Variants in DTX4 observed in about 807,000 individuals in gnomAD.
DTX4 encodes the protein E3 ubiquitin-protein ligase DTX4.
DTX4 carries 28 observed loss-of-function variants against 57.6 expected under a neutral mutation model. The ratio of observed to expected loss-of-function variants is 0.49; its 90% CI spans 0.36 to 0.67. The LOEUF is 0.67. Among genes scored for constraint, DTX4 ranks in the 30% least tolerant of loss-of-function variants. DTX4 has a pLI of 0.00. For synonymous variants in DTX4, 316 were observed against 331.0 expected (o/e 0.95, Z 0.49); for missense variants, 715 against 836.8 (o/e 0.85, Z 1.80).
At chr11:59,195,024 A>G (rs1262536896) in intron 6 of DTX4, 184 bp from the exon 7 acceptor site, 5 of 649,102 alleles carry the variant, frequency 7.7e-6, no homozygotes, top group Non-Finnish European at 2.7e-6. Flanking sequence ...TTTACCTCCT[A>G]TTACTTTGGA....
intron 6 of DTX4, among the ~76,000 whole-genome samples, chr11:59,193,759 C>G (rs887832972): frequency 2.6e-5 from 4 of 152,178 alleles, no homozygotes; most frequent in Non-Finnish European, 4.4e-5. Context: ...GGTCATGAAG[C>G]AAGTCAAGGC....
intron 2 of DTX4, among the ~76,000 whole-genome samples, chr11:59,184,941 CATT>C (rs773996478): frequency 9.2e-5 from 14 of 152,184 alleles, no homozygotes; most frequent in Non-Finnish European, 1.8e-4. Flanking sequence ...CTTTGTCTGG[CATT>C]GCCATCGACC....
chr11:59,190,223 C>T (rs1017017274), intron 4 of DTX4, among the ~76,000 whole-genome samples: 3 of 152,172 alleles, frequency 2.0e-5, no homozygotes, highest in Non-Finnish European at 4.4e-5. Context: ...GCTCAATTGC[C>T]TTGCTCATAG....
Position 59,191,173 on chromosome 11 carries a change from G to A in DTX4, c.1219G>A (p.Glu407Lys). Residue 407 changes from glutamate (E) to lysine (K), a missense_variant and splice_region_variant, in exon 5 of 9, where the codon GAG (glutamate) becomes AAG (lysine). Transcript: ENST00000227451. ...YLQKVRHPPDEDCTICMERLT... is the reference protein window; with the variant it reads ...YLQKVRHPPDKDCTICMERLT... ...ACAGAAAGTCCGGCACCCACCAGAT[G>A]AGGTGAGTTCAGGGTTAGAAGAGCG... The A allele has an allele frequency of 6.4e-7, 1 of 1,570,054 alleles. No homozygotes were observed. Among genetic ancestry groups the A allele is most frequent in the Non-Finnish European group, 8.6e-7 (1 of 1,157,480 alleles).
At chr11:59,185,915 C>T (rs912303081) in intron 2 of DTX4, among the ~76,000 whole-genome samples, 4 of 152,164 alleles carry the variant, frequency 2.6e-5, no homozygotes, top group African/African-American at 9.7e-5. Flanking sequence ...GCCCTGTTCA[C>T]GGCTGTGGTA....
chr11:59,204,625 T>C lies in DTX4; in HGVS notation c.1627-51T>C, dbSNP rs927788585. 5.9e-6 allele frequency: 9 copies of C among 1,527,350 alleles called. No individual in the cohort carries two copies. The Admixed American group carries it at 1.5e-4, about 26-fold the overall frequency. The allele number at this position is 1,527,350 out of a possible 1,614,324, so 94.6% of individuals were successfully genotyped here. A position where few individuals can be genotyped will look rare whatever the true frequency, so the allele number is the denominator to read the frequency against. ...ATTCTCTACCGTCCAAGGGATAGTC[T>C]TTGACTGCCAATTAATGTCTGCCTT... On this transcript the variant is annotated intron_variant, in intron 8 of 8. Transcript: ENST00000227451.
intron 1 of DTX4, among the ~76,000 whole-genome samples, chr11:59,175,382 C>T (rs1049033181): frequency 3.3e-5 from 5 of 152,166 alleles, no homozygotes; most frequent in African/African-American, 1.2e-4. Flanking sequence ...TGATAGAGTC[C>T]TCAGGCTCTC....
intron 1 of DTX4, among the ~76,000 whole-genome samples, chr11:59,173,946 G>A (rs1402038053): frequency 6.6e-6 from 1 of 152,160 alleles, no homozygotes; most frequent in Non-Finnish European, 1.5e-5. Flanking sequence ...TGCAACCGAG[G>A]AGCCTGGAGA....
At chr11:59,192,615 C>G (rs1051056236) in intron 6 of DTX4, among the ~76,000 whole-genome samples, 1 of 152,156 alleles carries the variant, frequency 6.6e-6, no homozygotes, top group African/African-American at 2.4e-5. Flanking sequence ...CTTATCACAG[C>G]GCTAGACCCA....
chr11:59,200,741 T>C (rs985718706), intron 8 of DTX4, among the ~76,000 whole-genome samples: 8 of 152,200 alleles, frequency 5.3e-5, no homozygotes, highest in Non-Finnish European at 1.5e-5. Context: ...TGTTTGTATT[T>C]CTATGGATGA....
intron 1 of DTX4, among the ~76,000 whole-genome samples, chr11:59,175,100 C>T (rs1325145731): frequency 6.6e-6 from 1 of 152,212 alleles, no homozygotes; most frequent in East Asian, 1.9e-4. Flanking sequence ...CATAGTTCCT[C>T]TCAATCTCAT....
intron 7 of DTX4, among the ~76,000 whole-genome samples, chr11:59,197,086 C>T (rs1348389140): frequency 6.6e-6 from 1 of 152,114 alleles, no homozygotes; most frequent in Non-Finnish European, 1.5e-5. Flanking sequence ...GCCAGGAGCC[C>T]AATTGGCAGA....
chr11:59,184,405 A>G (rs549093623), intron 2 of DTX4, among the ~76,000 whole-genome samples: 2,335 of 152,348 alleles, frequency 0.015, 56 homozygotes, highest in African/African-American at 0.048. Context: ...AGTTGTCTTA[A>G]GTTCAAATGA....
In DTX4 at chr11:59,181,748, G is replaced by A. The variant is rs761374600; in HGVS notation, c.221G>A (p.Arg74His). 7.5e-6 allele frequency: 12 copies of A among 1,600,988 alleles called. No individual in the cohort carries two copies. Among genetic ancestry groups the A allele is most frequent in the East Asian group, 4.5e-5 (2 of 44,744 alleles). ...NQFRQDTGTLRPVRRNYYDPS... is the reference protein window; with the variant it reads ...NQFRQDTGTLHPVRRNYYDPS... ...TATCCCACCCTGGCAGGAACTCTCC[G>A]CCCAGTTCGCCGCAACTACTACGAC... Residue 74 changes from arginine (R) to histidine (H), a missense_variant, in exon 2 of 9, where the codon CGC becomes CAC. Physicochemically the swap from Arg to His is conservative, Grantham distance 29 (BLOSUM62 0). Coordinates refer to ENST00000227451, the MANE Select transcript of DTX4 (RefSeq NM_015177.2).
At chr11:59,191,288 G>A in intron 5 of DTX4, 113 bp downstream of exon 5, 1 of 1,084,746 alleles carries the variant, frequency 9.2e-7, no homozygotes. Context: ...AGTTCTCATG[G>A]ATACAGAACT....
chr11:59,195,419 G>A (rs773006437), intron 7 of DTX4, 50 bp downstream of exon 7: 23 of 1,537,570 alleles, frequency 1.5e-5, no homozygotes, highest in Admixed American at 4.2e-5. Context: ...GGTTTTTATT[G>A]TTCTATGTGT....
Position 59,206,646 on chromosome 11 carries a change from C to A in DTX4, c.*1737C>A, listed in dbSNP as rs1171915717. ...GAGGCCAATCTTTCATAAAGCCAGC[C>A]CCATAGCTGCTTGCTGTTAGGCCTC... On this transcript the variant is annotated 3_prime_UTR_variant, in exon 9 of 9. Coordinates refer to ENST00000227451, the MANE Select transcript of DTX4 (RefSeq NM_015177.2). The A allele has an allele frequency of 6.6e-6, 1 of 152,432 alleles. No homozygotes were observed. The highest frequency in any genetic ancestry group is 2.4e-5 in the African/African-American group (1 of 41,372). 9.4% of individuals were successfully genotyped at this position (152,432 alleles called of 1,614,324 possible).
At position 59,205,167 on chromosome 11, in the gene DTX4, G is replaced by T; in HGVS notation, c.*258G>T. 1 of 444,198 alleles carries T rather than the reference G, an allele frequency of 2.3e-6. No individual in the cohort carries two copies. The highest frequency in any genetic ancestry group is 3.4e-5 in the Admixed American group (1 of 29,424). The allele number at this position is 444,198 out of a possible 1,614,324, so 27.5% of individuals were successfully genotyped here. A position where few individuals can be genotyped will look rare whatever the true frequency, so the allele number is the denominator to read the frequency against. On this transcript the variant is annotated 3_prime_UTR_variant, in exon 9 of 9. Coordinates refer to ENST00000227451, the MANE Select transcript of DTX4 (RefSeq NM_015177.2). The stretch of plus-strand genomic sequence containing the variant: ...GGTCTGTTCCCATGGAGTTTTTGGT[G>T]CTGGGTAGGCAGGAATCCCCTCCCT...
chr11:59,186,001 G>A (rs1862523303), intron 2 of DTX4, among the ~76,000 whole-genome samples: 1 of 152,128 alleles, frequency 6.6e-6, no homozygotes, highest in Non-Finnish European at 1.5e-5. Context: ...GCTGAGCGGG[G>A]CTAAAACAAA....
Sources: gnomAD v4.1 joint callset for allele counts (sites outside exome capture counted in the v4.1 genomes callset) on GRCh38, gnomAD v4.1.1 for gene constraint, MANE v1.5 for transcripts, NCBI Gene and HGNC (gene_info 2026-07-23, HGNC 2026-07-21) for gene names.